The following NOA1 variants were observed in gnomAD, a reference collection of about 807,000 sequenced individuals.
The protein encoded by NOA1 is nitric oxide-associated protein 1.
NOA1 carries 35 observed loss-of-function variants against 58.4 expected under a neutral mutation model. That is an observed-to-expected ratio of 0.60 (90% CI 0.46 to 0.79). The LOEUF (loss-of-function observed/expected upper bound fraction) is 0.79, where lower values mean the gene tolerates loss of function less well. Among genes scored for constraint, NOA1 ranks in the 30% least tolerant of loss-of-function variants. The pLI is 0.00. For missense variants in NOA1, 895 were observed against 894.6 expected (o/e 1.00, Z -0.01); for synonymous variants, 397 against 373.4 (o/e 1.06, Z -0.73).
chr4:56,973,479 C>G, intron 2 of NOA1, 126 bp from the exon 3 acceptor site: 2 of 806,700 alleles, frequency 2.5e-6, no homozygotes, highest in East Asian at 5.1e-5. Context: ...CATAATGATA[C>G]TTTTGCTTTT....
rs577228194 is a variant in NOA1 at position 56,966,808 on chromosome 4, TA to T, written c.1648-73del. 2,180 of 825,976 alleles carry T rather than the reference TA, an allele frequency of 2.6e-3. 1 individual carries two copies. Among genetic ancestry groups the T allele is most frequent in the African/African-American group, 4.6e-3 (253 of 55,516 alleles). 51.2% of individuals were successfully genotyped at this position (825,976 alleles called of 1,614,324 possible). A position where few individuals can be genotyped will look rare whatever the true frequency, so the allele number is the denominator to read the frequency against. On this transcript the variant is annotated intron_variant, in intron 4 of 6. Coordinates refer to ENST00000264230, the MANE Select transcript of NOA1 (RefSeq NM_032313.4). Reference sequence around the variant, plus strand: ...CCTGCATATTCAAGGTACAATCAACTAAAAAAAAAACAAACCAAAAAACAAA... The same window carrying T: ...CCTGCATATTCAAGGTACAATCAACTAAAAAAAAACAAACCAAAAAACAAA...
Position 56,968,403 on chromosome 4 carries a change from C to T in NOA1, c.1628G>A (p.Gly543Asp), listed in dbSNP as rs1372646000. 1 of 1,612,306 alleles carries T rather than the reference C, an allele frequency of 6.2e-7. No homozygotes were observed. Among genetic ancestry groups the T allele is most frequent in the Non-Finnish European group, 8.5e-7 (1 of 1,179,744 alleles). ...PGMVLFLGAI[G>D]RIDFLQGNQS... The stretch of plus-strand genomic sequence containing the variant: ...TCTTACCTGCAGGAAATCTATGCGG[C>T]CTATAGCACCCAAAAACAGAACCAT... The change falls in exon 4 of 7, where the codon GGC (glycine) becomes GAC (aspartate). Residue 543 changes from glycine to aspartate, a missense_variant. Gly to Asp is a moderately conservative substitution (Grantham distance 94). Around this residue, in one of 3 missense-constraint regions of NOA1, gnomAD observed 212 missense variants for 221.3 expected, o/e 0.96. Transcript: ENST00000264230.
rs1721843167 is a variant in NOA1, at chr4:56,973,329, T to C, written c.1334A>G (p.Tyr445Cys). 6.2e-7 allele frequency: 1 copy of C among 1,614,056 alleles called. No individual in the cohort carries two copies. The highest frequency in any genetic ancestry group is 8.5e-7 in the Non-Finnish European group (1 of 1,179,950). ...VVGRVGRTFL[Y>C]SEEQKDNIPF... ...AATGTTATCCTTCTGTTCTTCTGAA[T>C]ACAAGAATGTCCTTCCAACTCTTCC... The change falls in exon 3 of 7, where the codon TAT becomes TGT. Residue 445 changes from tyrosine to cysteine, a missense_variant. By Grantham distance (194) the Tyr-to-Cys change is radical. Transcript: ENST00000264230.
In NOA1 at chr4:56,963,525, A is replaced by C; in HGVS notation, c.2022T>G (p.Ser674Arg). 1 of 1,614,060 alleles carries C rather than the reference A, an allele frequency of 6.2e-7. No homozygotes were observed. Among genetic ancestry groups the C allele is most frequent in the Non-Finnish European group, 8.5e-7 (1 of 1,180,010 alleles). Residue 674 changes from serine (S) to arginine (R), a missense_variant, in exon 7 of 7, where the codon AGT becomes AGG. Ser to Arg is a moderately radical substitution (Grantham distance 110). Transcript: ENST00000264230. ...VNIKGQRIKK[S>R]VAYKTKKPPS... Reference sequence around the variant, plus strand: ...GAGGCTTCTTGGTTTTATAGGCCACACTTTTCTTGATGCGCTGTCCTTTGA... The same window carrying C: ...GAGGCTTCTTGGTTTTATAGGCCACCCTTTTCTTGATGCGCTGTCCTTTGA...
intron 5 of NOA1, among the ~76,000 whole-genome samples, chr4:56,965,209 C>T (rs1305350266): frequency 6.6e-6 from 1 of 152,004 alleles, no homozygotes; most frequent in East Asian, 1.9e-4. Context: ...ACCATGTTAG[C>T]CAGGCTGGTC....
Position 56,977,117 on chromosome 4 carries a change from C to T in NOA1, c.469G>A (p.Gly157Ser). The change falls in exon 1 of 7, where the codon GGC (glycine) becomes AGC (serine). Residue 157 changes from glycine to serine, a missense_variant. Physicochemically the swap from Gly to Ser is moderately conservative, Grantham distance 56 (BLOSUM62 0). This residue lies in a region of NOA1 where 680 missense variants were observed against 656.5 expected (regional missense o/e 1.04). Transcript: ENST00000264230. The part of the protein sequence containing the change: ...ELHCQDAGVP[G>S]YLPREKFLRT... The stretch of plus-strand genomic sequence containing the variant: ...AGGAACTTCTCTCGGGGCAGGTAGC[C>T]GGGCACTCCGGCGTCCTGGCAGTGC... 2 of 1,556,810 alleles carry T rather than the reference C, an allele frequency of 1.3e-6. No homozygotes were observed. The highest frequency in any genetic ancestry group is 1.7e-6 in the Non-Finnish European group (2 of 1,154,124).
intron 6 of NOA1, among the ~76,000 whole-genome samples, 189 bp downstream of exon 6, chr4:56,964,217 G>A (rs918810003): frequency 2.6e-5 from 4 of 152,086 alleles, no homozygotes; most frequent in Admixed American, 1.3e-4. Context: ...ACAGGCATGC[G>A]CCACCATGCC....
rs751186637 is a variant in NOA1, at chr4:56,973,298, A to T, written c.1365T>A (p.Phe455Leu). The change falls in exon 3 of 7, where the codon TTT (phenylalanine) becomes TTA (leucine). Residue 455 changes from phenylalanine to leucine, a missense_variant. This residue lies in a region of NOA1 where 680 missense variants were observed against 656.5 expected (regional missense o/e 1.04). Coordinates refer to ENST00000264230, the MANE Select transcript of NOA1 (RefSeq NM_032313.4). ...AGGCAAGTGAATCAGCATCAAACTC[A>T]AAGGGAATGTTATCCTTCTGTTCTT... ...YSEEQKDNIP[F>L]EFDADSLAFD... The T allele has an allele frequency of 1.8e-5, 29 of 1,613,976 alleles. No individual in the cohort carries two copies. In the Admixed American group the frequency reaches 3.5e-4, roughly 19 times the overall value.
At position 56,977,513 on chromosome 4, in the gene NOA1, G is replaced by A. The variant is rs1452277776; in HGVS notation, c.73C>T (p.His25Tyr). Residue 25 changes from histidine to tyrosine, a missense_variant, in exon 1 of 7, where the codon CAT becomes TAT. Physicochemically the swap from His to Tyr is moderately conservative, Grantham distance 83 (BLOSUM62 2). Around this residue, in one of 3 missense-constraint regions of NOA1, gnomAD observed 680 missense variants for 656.5 expected, o/e 1.04. Coordinates refer to ENST00000264230, the MANE Select transcript of NOA1 (RefSeq NM_032313.4). ...LRGSAPTAAR[H>Y]GLREPLLERR... ...TCCAGGAGCGGCTCCCGGAGGCCAT[G>A]GCGCGCTGCCGTGGGAGCGGATCCA... 14 of 1,613,372 alleles carry A rather than the reference G, an allele frequency of 8.7e-6. No individual in the cohort carries two copies. The highest frequency in any genetic ancestry group is 2.2e-5 in the East Asian group (1 of 44,858).
At chr4:56,975,880 AC>A (rs1721910664) in intron 1 of NOA1, among the ~76,000 whole-genome samples, 1 of 151,758 alleles carries the variant, frequency 6.6e-6, no homozygotes, top group South Asian at 2.1e-4. Flanking sequence ...AAAAAACAAA[AC>A]AAAACAAACA....
rs201612150 is a variant in NOA1, at chr4:56,977,354, T to C, written c.232A>G (p.Ile78Val). The change falls in exon 1 of 7, where the codon ATC (isoleucine) becomes GTC (valine). Residue 78 changes from isoleucine (I) to valine (V), a missense_variant. Coordinates refer to ENST00000264230, the MANE Select transcript of NOA1 (RefSeq NM_032313.4). ...GTGGGTTGCGGCTCCGGATCCAGGA[T>C]GTACTCCGGGAACAGAAAACGCTCC... is the stretch of plus-strand genomic sequence containing the variant. ...MQERFLFPEYILDPEPQPTRE... is the reference protein window; with the variant it reads ...MQERFLFPEYVLDPEPQPTRE... 1 of 1,614,170 alleles carries C rather than the reference T, an allele frequency of 6.2e-7. No individual in the cohort carries two copies. The highest frequency in any genetic ancestry group is 8.5e-7 in the Non-Finnish European group (1 of 1,180,014).
At chr4:56,971,652 A>T (rs186049654) in intron 3 of NOA1, among the ~76,000 whole-genome samples, 1 of 152,328 alleles carries the variant, frequency 6.6e-6, no homozygotes, top group Non-Finnish European at 1.5e-5. Context: ...GAAGGAAATG[A>T]TTAATGAATC....
intron 1 of NOA1, 34 bp downstream of exon 1, chr4:56,976,408 A>T: frequency 6.3e-7 from 1 of 1,579,656 alleles, no homozygotes; most frequent in Non-Finnish European, 8.6e-7. Context: ...CCACCTTGCC[A>T]GGAAACGAAG....
intron 3 of NOA1, among the ~76,000 whole-genome samples, chr4:56,969,672 T>G (rs569754768): frequency 2.5e-4 from 38 of 152,182 alleles, no homozygotes; most frequent in Admixed American, 1.7e-3. Flanking sequence ...TCTTCATTAT[T>G]TGTGTTTGAA....
At chr4:56,974,045 A>T in intron 1 of NOA1, 23 bp from the exon 2 acceptor site, 1 of 1,561,988 alleles carries the variant, frequency 6.4e-7, no homozygotes, top group Non-Finnish European at 8.8e-7. Context: ...GAATAAATAC[A>T]TCTTTACAAA....
At chr4:56,963,927 G>A (rs1048554995) in intron 6 of NOA1, among the ~76,000 whole-genome samples, 2 of 151,774 alleles carry the variant, frequency 1.3e-5, no homozygotes, top group African/African-American at 4.8e-5. Flanking sequence ...CATACAATGC[G>A]TTTGTGCAAA....
At chr4:56,971,947 G>C (rs917348348) in intron 3 of NOA1, among the ~76,000 whole-genome samples, 1 of 150,694 alleles carries the variant, frequency 6.6e-6, no homozygotes, top group Non-Finnish European at 1.5e-5. Flanking sequence ...GGAGTGCAGT[G>C]GCACGATCTC....
Position 56,966,627 on chromosome 4 carries a change from A to G in NOA1, c.1757T>C (p.Leu586Ser), listed in dbSNP as rs1349754923. ...CAAGGCATGTTGCCTTACCTGGAGT[A>G]ACGTATGACCTGCATGCTTCTGATA... ...ALYQKHAGHT[L>S]LQIPMGGKER... Residue 586 changes from leucine (L) to serine (S), a missense_variant, in exon 5 of 7, where the codon TTA (leucine) becomes TCA (serine). Around this residue, in one of 3 missense-constraint regions of NOA1, gnomAD observed 212 missense variants for 221.3 expected, o/e 0.96. Transcript: ENST00000264230. 2 of 1,598,892 alleles carry G rather than the reference A, an allele frequency of 1.3e-6. No homozygotes were observed. Among genetic ancestry groups the G allele is most frequent in the Admixed American group, 1.7e-5 (1 of 59,882 alleles).
chr4:56,963,370 A>G lies in NOA1; in HGVS notation c.*80T>C. On this transcript the variant is annotated 3_prime_UTR_variant, in exon 7 of 7. Transcript: ENST00000264230. Reference sequence around the variant, plus strand: ...AAGGGTAAGAATGGGAGCTTTATTTATGCGTTATATGTTTAATACAAATTC... The same window carrying G: ...AAGGGTAAGAATGGGAGCTTTATTTGTGCGTTATATGTTTAATACAAATTC... 1 of 1,165,692 alleles carries G rather than the reference A, an allele frequency of 8.6e-7. No homozygotes were observed. Among genetic ancestry groups the G allele is most frequent in the Non-Finnish European group, 1.3e-6 (1 of 798,066 alleles). 72.2% of individuals were successfully genotyped at this position (1,165,692 alleles called of 1,614,324 possible).
Sources: allele counts gnomAD v4.1 joint callset (sites outside exome capture counted in the v4.1 genomes callset), GRCh38; gene constraint gnomAD v4.1.1; regional missense constraint gnomAD v4.1.1; transcripts MANE v1.5; gene names NCBI Gene and HGNC (gene_info 2026-07-23, HGNC 2026-07-21).